ELAC2: variants seen among roughly 807,000 people sequenced by gnomAD.
ELAC2 encodes elaC ribonuclease Z 2.
ELAC2 carries 92 observed loss-of-function variants against 105.2 expected under a neutral mutation model. That is an observed-to-expected ratio of 0.87 (90% CI 0.74 to 1.04). ELAC2 has a LOEUF of 1.04. Among genes scored for constraint, ELAC2 ranks in the 50% least tolerant of loss-of-function variants. The pLI is 0.00. For missense variants in ELAC2, 1,099 were observed against 1,071.7 expected (o/e 1.03, Z -0.36); for synonymous variants, 468 against 409.1 (o/e 1.14, Z -1.74).
Position 12,995,922 on chromosome 17 carries a change from A to C in ELAC2, c.1698+18T>G, listed in dbSNP as rs773809126. 15 of 1,590,922 alleles carry C rather than the reference A, an allele frequency of 9.4e-6. No individual in the cohort carries two copies. In the Admixed American group the frequency reaches 2.6e-4, roughly 28 times the overall value. On this transcript the variant is annotated intron_variant, in intron 18 of 23. Coordinates refer to ENST00000338034, the MANE Select transcript of ELAC2 (RefSeq NM_018127.7). ...TAAACCGCTGAAACTCAGAACGCCC[A>C]TCAAGTGCCACACTTACCAAGGCGC... is the stretch of plus-strand genomic sequence containing the variant.
At position 13,005,828 on chromosome 17, in the gene ELAC2, G is replaced by T. The variant is rs1196069933; in HGVS notation, c.798-3C>A. 6.2e-7 allele frequency: 1 copy of T among 1,614,048 alleles called. No individual in the cohort carries two copies. ...TGGGAGCGATGGCAGCTGTCCCACT[G>T]AAATGAAGAGGCAAGGCCTCTGTGA... On this transcript the variant is annotated splice_polypyrimidine_tract_variant and splice_region_variant and intron_variant, in intron 9 of 23. Transcript: ENST00000338034.
chr17:13,011,841 C>A, intron 6 of ELAC2, 59 bp from the exon 7 acceptor site: 1 of 1,613,224 alleles, frequency 6.2e-7, no homozygotes, highest in Non-Finnish European at 8.5e-7. Context: ...ACAGCCAAGG[C>A]CCAGACGTTC....
intron 4 of ELAC2, 33 bp downstream of exon 4, chr17:13,015,735 T>A (rs753961455): frequency 1.9e-6 from 3 of 1,583,186 alleles, no homozygotes; most frequent in Non-Finnish European, 2.6e-6. Context: ...AAAGGAAAGA[T>A]TGCTTTTGAA....
intron 14 of ELAC2, 92 bp downstream of exon 14, chr17:13,002,182 G>A (rs2040844903): frequency 7.3e-7 from 1 of 1,366,868 alleles, no homozygotes; most frequent in African/African-American, 1.4e-5. Flanking sequence ...ATATGGTCTG[G>A]AGAGCCTCCT....
chr17:13,017,793 G>T lies in ELAC2; in HGVS notation c.155C>A (p.Ser52Tyr), dbSNP rs9895963. 6 of 1,607,972 alleles carry T rather than the reference G, an allele frequency of 3.7e-6. No individual in the cohort carries two copies. The highest frequency in any genetic ancestry group is 5.1e-6 in the Non-Finnish European group (6 of 1,177,992). The change falls in exon 1 of 24, where the codon TCC (serine) becomes TAC (tyrosine). Residue 52 changes from serine (S) to tyrosine (Y), a missense_variant. Physicochemically the swap from Ser to Tyr is moderately radical, Grantham distance 144. Transcript: ENST00000338034. Reference sequence around the variant, plus strand: ...CAGGTACACGGTGTTTGGGCCGCCGGAGCACCCCGACGGTCCGCGCTTCTC... The same window carrying T: ...CAGGTACACGGTGTTTGGGCCGCCGTAGCACCCCGACGGTCCGCGCTTCTC... ...TREKRGPSGC[S>Y]GGPNTVYLQV... is the part of the protein sequence containing the mutation.
intron 10 of ELAC2, 70 bp downstream of exon 10, chr17:13,005,683 G>A: frequency 2.0e-6 from 3 of 1,533,032 alleles, no homozygotes; most frequent in Non-Finnish European, 9.0e-7. Flanking sequence ...AGGGCCTGAA[G>A]AAGACAGACT....
intron 3 of ELAC2, among the ~76,000 whole-genome samples, chr17:13,016,605 C>A (rs936958652): frequency 2.6e-5 from 4 of 151,816 alleles, no homozygotes; most frequent in Non-Finnish European, 5.9e-5. Flanking sequence ...AGCAAAACCC[C>A]GTCGCTACAA....
rs1468765966 is a variant in ELAC2, at chr17:12,992,122, AT to A, written c.*695del. On this transcript the variant is annotated 3_prime_UTR_variant, in exon 24 of 24. Coordinates refer to ENST00000338034, the MANE Select transcript of ELAC2 (RefSeq NM_018127.7). ...CACCAGCCCAGCCAGGCTCTCACTG[AT>A]TGATTTGATTGATTGATTGATTGAT... Among the ~76,000 whole-genome samples the A allele has an allele frequency of 7.3e-6, 1 of 137,404 alleles. No homozygotes were observed. Among genetic ancestry groups the A allele is most frequent in the Non-Finnish European group, 1.6e-5 (1 of 61,190 alleles). The allele number at this position is 137,404 out of a possible 152,430, so 90.1% of individuals were successfully genotyped here. A position where few individuals can be genotyped will look rare whatever the true frequency, so the allele number is the denominator to read the frequency against.
chr17:13,017,585 C>T, intron 1 of ELAC2, 118 bp downstream of exon 1: 1 of 1,540,300 alleles, frequency 6.5e-7, no homozygotes, highest in Non-Finnish European at 8.8e-7. Context: ...CACGAACCCC[C>T]GCAACAGTGA....
At chr17:13,009,374 A>C (rs1208384013) in intron 8 of ELAC2, among the ~76,000 whole-genome samples, 2 of 152,248 alleles carry the variant, frequency 1.3e-5, no homozygotes, top group African/African-American at 4.8e-5. Context: ...ATATTTAGAC[A>C]AATTTGTTGC....
At chr17:12,996,726 G>C (rs1281161287) in intron 16 of ELAC2, 41 bp from the exon 17 acceptor site, 1 of 1,605,418 alleles carries the variant, frequency 6.2e-7, no homozygotes, top group South Asian at 1.1e-5. Flanking sequence ...CCACTAGGAA[G>C]ACTGCTGATG....
Position 13,017,959 on chromosome 17 carries a change from C to T in ELAC2, c.-12G>A. 3 of 1,535,886 alleles carry T rather than the reference C, an allele frequency of 2.0e-6. No homozygotes were observed. The highest frequency in any genetic ancestry group is 1.2e-5 in the South Asian group (1 of 83,918). On this transcript the variant is annotated 5_prime_UTR_variant, in exon 1 of 24. Transcript: ENST00000338034. ...CAAAGCGCCCACATGCGCCCGTCTC[C>T]ACCAAAACTGAGAAAGCCGCCGGTC...
rs541505189 is a variant in ELAC2, at chr17:13,014,382, G to A, written c.490+57C>T. Reference sequence around the variant, plus strand: ...GTTTTTAATGGATTCTAATTTGAGAGGTCAGGGCATATATAAGTTAGAAAT... The same window carrying A: ...GTTTTTAATGGATTCTAATTTGAGAAGTCAGGGCATATATAAGTTAGAAAT... On this transcript the variant is annotated intron_variant, in intron 5 of 23. Coordinates refer to ENST00000338034, the MANE Select transcript of ELAC2 (RefSeq NM_018127.7). The A allele has an allele frequency of 8.3e-5, 108 of 1,301,514 alleles. 3 individuals are homozygous for A. In the South Asian group the frequency reaches 1.2e-3, roughly 14 times the overall value. 80.6% of individuals were successfully genotyped at this position (1,301,514 alleles called of 1,614,324 possible).
At chr17:13,006,067 A>T in intron 8 of ELAC2, 88 bp from the exon 9 acceptor site, 1 of 1,368,144 alleles carries the variant, frequency 7.3e-7, no homozygotes, top group African/African-American at 1.4e-5. Flanking sequence ...ATTTTTCTAG[A>T]TTAAAAAAAA....
intron 5 of ELAC2, among the ~76,000 whole-genome samples, chr17:13,014,037 A>T (rs543653527): frequency 1.2e-4 from 18 of 152,130 alleles, no homozygotes; most frequent in Admixed American, 5.9e-4. Flanking sequence ...CTCCAGCCAC[A>T]TGGTAGCTCA....
intron 6 of ELAC2, 65 bp from the exon 7 acceptor site, chr17:13,011,847 C>T (rs560434537): frequency 9.3e-6 from 15 of 1,612,744 alleles, no homozygotes; most frequent in African/African-American, 4.0e-5. Flanking sequence ...AAGGCCCAGA[C>T]GTTCATACAT....
chr17:13,013,338 T>C, intron 5 of ELAC2, 63 bp from the exon 6 acceptor site: 2 of 1,575,584 alleles, frequency 1.3e-6, no homozygotes, highest in Non-Finnish European at 1.7e-6. Context: ...GAAGAGTAAC[T>C]TCAGGATCAC....
Position 13,005,011 on chromosome 17 carries a change from A to C in ELAC2, c.961T>G (p.Cys321Gly). The change falls in exon 11 of 24, where the codon TGT (cysteine) becomes GGT (glycine). Residue 321 changes from cysteine (C) to glycine (G), a missense_variant. Transcript: ENST00000338034. ...CPDESFIQPI[C>G]ENATFQRYQG... ...TACCTCTGAAAGGTGGCATTCTCAC[A>C]GATGGGTTGAATGAAGCTTTCATCT... is the stretch of plus-strand genomic sequence containing the variant. 6.2e-7 allele frequency: 1 copy of C among 1,614,106 alleles called. No individual in the cohort carries two copies. The highest frequency in any genetic ancestry group is 8.5e-7 in the Non-Finnish European group (1 of 1,179,944).
rs2143697734 is a variant in ELAC2 at position 13,017,857 on chromosome 17, G to A, written c.91C>T (p.Arg31Trp). The A allele has an allele frequency of 6.4e-7, 1 of 1,563,148 alleles. No individual in the cohort carries two copies. The highest frequency in any genetic ancestry group is 8.6e-7 in the Non-Finnish European group (1 of 1,156,456). Residue 31 changes from arginine to tryptophan, a missense_variant, in exon 1 of 24, where the codon CGG becomes TGG. Transcript: ENST00000338034. ...TGCCGCAGCGGGTCCTTGCGCGGCC[G>A]CTCGCGGCGGGCGGGTGCCTGCGAT... ...TISQAPARRE[R>W]PRKDPLRHLR... is the part of the protein sequence containing the mutation.
Sources: allele counts gnomAD v4.1 joint callset (sites outside exome capture counted in the v4.1 genomes callset), GRCh38; gene constraint gnomAD v4.1.1; transcripts MANE v1.5; gene names NCBI Gene and HGNC (gene_info 2026-07-23, HGNC 2026-07-21).